The following PTBP2 variants were observed in gnomAD, a reference collection of about 807,000 sequenced individuals.
PTBP2 encodes polypyrimidine tract binding protein 2, also known as polypyrimidine tract-binding protein 2.
PTBP2 carries 13 observed loss-of-function variants against 61.4 expected under a neutral mutation model. That is an observed-to-expected ratio of 0.21 (90% confidence interval 0.14 to 0.34). The LOEUF is 0.34. Ranked by LOEUF, PTBP2 falls within the 10% of genes least tolerant of loss-of-function variation. PTBP2 has a pLI of 1.00. For synonymous variants in PTBP2, 215 were observed against 218.5 expected (o/e 0.98, Z 0.14); for missense variants, 405 against 642.6 (o/e 0.63, Z 4.00).
intron 2 of PTBP2, among the ~76,000 whole-genome samples, chr1:96,740,316 G>A (rs1332751113): frequency 6.6e-6 from 1 of 152,174 alleles, no homozygotes; most frequent in Non-Finnish European, 1.5e-5. Context: ...CTCTTGAAGT[G>A]AGGCCACCAT....
In PTBP2 at chr1:96,732,591, T is replaced by C. The variant is rs12091200; in HGVS notation, c.39+8997T>C. ...AATGAGCCATTTATCAATAAAAAGA[T>C]AAATAACAAGACTATGTCTTTTAGG... is the stretch of plus-strand genomic sequence containing the variant. On this transcript the variant is annotated intron_variant, in intron 2 of 13. Transcript: ENST00000674951. Among the ~76,000 whole-genome samples, 1,174 of 152,312 alleles carry C rather than the reference T, an allele frequency of 7.7e-3. 22 individuals are homozygous for C. Among genetic ancestry groups the C allele is most frequent in the African/African-American group, 0.027 (1,120 of 41,568 alleles).
chr1:96,759,259 C>G (rs1655514558), intron 3 of PTBP2, among the ~76,000 whole-genome samples: 1 of 152,116 alleles, frequency 6.6e-6, no homozygotes, highest in African/African-American at 2.4e-5. Flanking sequence ...AGAGTACATT[C>G]TAAAATTTAT....
chr1:96,737,505 A>G (rs1652390233), intron 2 of PTBP2, among the ~76,000 whole-genome samples: 1 of 152,182 alleles, frequency 6.6e-6, no homozygotes, highest in Admixed American at 6.5e-5. Context: ...AAGTGAGCTT[A>G]TATGTTAATA....
At chr1:96,811,353 A>G (rs1421069727) in intron 11 of PTBP2, among the ~76,000 whole-genome samples, 1 of 152,018 alleles carries the variant, frequency 6.6e-6, no homozygotes, top group African/African-American at 2.4e-5. Flanking sequence ...TTAAAAGTGG[A>G]TGTTCTATTC....
At chr1:96,795,935 G>A (rs928242533) in intron 8 of PTBP2, among the ~76,000 whole-genome samples, 1 of 152,134 alleles carries the variant, frequency 6.6e-6, no homozygotes, top group Non-Finnish European at 1.5e-5. Context: ...AGGATTAAAT[G>A]TGTTAATGTG....
intron 2 of PTBP2, among the ~76,000 whole-genome samples, chr1:96,730,170 C>T (rs1381668438): frequency 1.3e-5 from 2 of 152,086 alleles, no homozygotes; most frequent in Non-Finnish European, 2.9e-5. Flanking sequence ...CTCCAAAATA[C>T]CAGCTTTTGG....
chr1:96,769,315 C>T (rs1657119546), intron 3 of PTBP2, among the ~76,000 whole-genome samples: 2 of 151,966 alleles, frequency 1.3e-5, no homozygotes, highest in African/African-American at 2.4e-5. Flanking sequence ...GTATTATAAT[C>T]TTATGGGACC....
chr1:96,752,322 T>C (rs1654651669), intron 3 of PTBP2, among the ~76,000 whole-genome samples: 1 of 152,160 alleles, frequency 6.6e-6, no homozygotes, highest in Non-Finnish European at 1.5e-5. Flanking sequence ...CTTTGAATTA[T>C]TTGCTTGAAG....
chr1:96,729,280 C>G (rs1033295284), intron 2 of PTBP2, among the ~76,000 whole-genome samples: 1 of 152,162 alleles, frequency 6.6e-6, no homozygotes, highest in African/African-American at 2.4e-5. Context: ...CCTAGGCCTC[C>G]CAAAGTGTTA....
chr1:96,782,585 T>C (rs919744774), intron 7 of PTBP2, among the ~76,000 whole-genome samples: 2 of 152,012 alleles, frequency 1.3e-5, no homozygotes, highest in Admixed American at 1.3e-4. Context: ...TTATTTGATA[T>C]TGGTAAATAA....
At chr1:96,740,613 A>G (rs1007399647) in intron 2 of PTBP2, among the ~76,000 whole-genome samples, 2 of 152,136 alleles carry the variant, frequency 1.3e-5, no homozygotes, top group East Asian at 3.9e-4. Context: ...GGTAATTACT[A>G]TACTAAATTT....
At chr1:96,774,760 A>C (rs1282313973) in intron 5 of PTBP2, among the ~76,000 whole-genome samples, 1 of 152,164 alleles carries the variant, frequency 6.6e-6, no homozygotes, top group Non-Finnish European at 1.5e-5. Context: ...TATCTTTCTC[A>C]AATGCACATA....
intron 8 of PTBP2, among the ~76,000 whole-genome samples, chr1:96,791,980 C>T (rs1557759592): frequency 6.6e-6 from 1 of 151,610 alleles, no homozygotes; most frequent in Non-Finnish European, 1.5e-5. Context: ...ACTACAGGCG[C>T]ACGCCACCAC....
chr1:96,785,383 C>T, intron 8 of PTBP2, 129 bp downstream of exon 8: 1 of 667,968 alleles, frequency 1.5e-6, no homozygotes, highest in Non-Finnish European at 2.3e-6. Flanking sequence ...TTCTTTTTCT[C>T]AAGTGAGAAG....
intron 2 of PTBP2, among the ~76,000 whole-genome samples, chr1:96,725,891 C>T (rs964938341): frequency 2.0e-5 from 3 of 151,320 alleles, no homozygotes; most frequent in African/African-American, 4.9e-5. Flanking sequence ...CTGGCTAACA[C>T]GGTGAAACCC....
chr1:96,761,603 A>G (rs561578140), intron 3 of PTBP2, among the ~76,000 whole-genome samples: 1 of 152,278 alleles, frequency 6.6e-6, no homozygotes, highest in African/African-American at 2.4e-5. Context: ...TTGGAATAAT[A>G]TTAAAGAGTT....
intron 10 of PTBP2, 117 bp from the exon 11 acceptor site, chr1:96,806,749 T>C: frequency 1.3e-6 from 1 of 749,166 alleles, no homozygotes; most frequent in Admixed American, 2.7e-5. Flanking sequence ...ATGATGAGAT[T>C]GAGTGATCAT....
At chr1:96,781,337 A>T (rs1219078112) in intron 7 of PTBP2, among the ~76,000 whole-genome samples, 1 of 151,834 alleles carries the variant, frequency 6.6e-6, no homozygotes, top group Admixed American at 6.6e-5. Context: ...TCTAATCACA[A>T]TACCCTTTAG....
At chr1:96,725,992 A>G in intron 2 of PTBP2, among the ~76,000 whole-genome samples, 1 of 143,548 alleles carries the variant, frequency 7.0e-6, no homozygotes, top group Non-Finnish European at 1.5e-5. Flanking sequence ...GGAGAATGGC[A>G]TGAACCTGCG....
Sources: allele counts gnomAD v4.1 joint callset (sites outside exome capture counted in the v4.1 genomes callset), GRCh38; gene constraint gnomAD v4.1.1; transcripts MANE v1.5; gene names NCBI Gene and HGNC (gene_info 2026-07-23, HGNC 2026-07-21).